The following NOL4 variants were observed in gnomAD, a reference collection of about 807,000 sequenced individuals.
NOL4 encodes the protein nucleolar protein 4, also known as cancer/testis antigen 125.
In NOL4, 17 loss-of-function variants were observed where a neutral mutation model predicts 75.9. The ratio of observed to expected loss-of-function variants is 0.22; its 90% CI spans 0.15 to 0.34. NOL4 has a LOEUF of 0.34. NOL4 is among the 10% of genes least tolerant of loss of function. The probability of loss-of-function intolerance (pLI) is 1.00; values close to 1 mark genes in which losing one functional copy is unlikely to be tolerated. For missense variants in NOL4, 614 were observed against 793.5 expected (o/e 0.77, Z 2.72); for synonymous variants, 292 against 289.9 (o/e 1.01, Z -0.07).
intron 1 of NOL4, 107 bp downstream of exon 1, chr18:34,222,883 C>T: frequency 6.9e-7 from 1 of 1,450,278 alleles, no homozygotes; most frequent in Non-Finnish European, 9.3e-7. Flanking sequence ...AGGGGGCACA[C>T]GAGCCAACGG....
At chr18:34,124,342 A>T (rs1165248922) in intron 2 of NOL4, among the ~76,000 whole-genome samples, 1 of 152,212 alleles carries the variant, frequency 6.6e-6, no homozygotes, top group Admixed American at 6.5e-5. Context: ...GTATTTTTAT[A>T]TTCTATGAGT....
chr18:33,923,961 T>C (rs1477419270), intron 9 of NOL4, among the ~76,000 whole-genome samples: 1 of 152,168 alleles, frequency 6.6e-6, no homozygotes, highest in East Asian at 1.9e-4. Flanking sequence ...CACATCATTA[T>C]TGTTACCTTT....
chr18:33,881,754 C>T (rs546203173), intron 10 of NOL4, among the ~76,000 whole-genome samples: 1 of 152,162 alleles, frequency 6.6e-6, no homozygotes, highest in Non-Finnish European at 1.5e-5. Context: ...CAGGTCAATC[C>T]TAAGCCAAAA....
At chr18:33,939,659 T>G (rs2068329361) in intron 9 of NOL4, among the ~76,000 whole-genome samples, 1 of 152,112 alleles carries the variant, frequency 6.6e-6, no homozygotes, top group Non-Finnish European at 1.5e-5. Flanking sequence ...CTTATCAGCT[T>G]AAGGAGATTT....
chr18:34,190,067 TATAC>T (rs1360458670), intron 1 of NOL4, among the ~76,000 whole-genome samples: 1 of 135,162 alleles, frequency 7.4e-6, no homozygotes, highest in Admixed American at 8.0e-5. Context: ...TATATCTACA[TATAC>T]ATACACACAC....
intron 5 of NOL4, among the ~76,000 whole-genome samples, chr18:34,061,490 G>A (rs2077059641): frequency 6.6e-6 from 1 of 152,094 alleles, no homozygotes; most frequent in East Asian, 1.9e-4. Context: ...TGAGCTTATG[G>A]GATGGTGGCC....
intron 9 of NOL4, among the ~76,000 whole-genome samples, chr18:33,914,999 C>T (rs977025980): frequency 1.3e-5 from 2 of 151,942 alleles, no homozygotes; most frequent in Non-Finnish European, 2.9e-5. Flanking sequence ...AAGCCAGGAG[C>T]ACTCTAAATT....
At chr18:33,907,914 T>C (rs1388396799) in intron 9 of NOL4, among the ~76,000 whole-genome samples, 2 of 152,224 alleles carry the variant, frequency 1.3e-5, no homozygotes, top group South Asian at 2.1e-4. Flanking sequence ...CTGTTTTGAC[T>C]GTAACATTTT....
intron 10 of NOL4, among the ~76,000 whole-genome samples, chr18:33,872,969 T>A (rs929901132): frequency 2.6e-5 from 4 of 152,024 alleles, no homozygotes; most frequent in African/African-American, 9.7e-5. Context: ...GTTTCTTTTA[T>A]AACCAAAGTT....
chr18:34,123,541 AT>A (rs1312287026), intron 2 of NOL4, among the ~76,000 whole-genome samples: 1 of 140,724 alleles, frequency 7.1e-6, no homozygotes, highest in Non-Finnish European at 1.5e-5. Context: ...CCATATATAT[AT>A]ATATATATAT....
In NOL4 at chr18:34,222,997, T is replaced by C. The variant is rs1568465361; in HGVS notation, c.257A>G (p.Lys86Arg). The change falls in exon 1 of 11, where the codon AAG becomes AGG. Residue 86 changes from lysine (K) to arginine (R), a missense_variant. Physicochemically the swap from Lys to Arg is conservative, Grantham distance 26. Coordinates refer to ENST00000261592, the MANE Select transcript of NOL4 (RefSeq NM_003787.5). ...GAKQVLYVPV[K>R]TTDGVGVDEK... Reference sequence around the variant, plus strand: ...GGAAGGCGAGTCACTCACCGTGGTCTTGACAGGCACGTAGAGCACTTGCTT... The same window carrying C: ...GGAAGGCGAGTCACTCACCGTGGTCCTGACAGGCACGTAGAGCACTTGCTT... 2.5e-6 allele frequency: 4 copies of C among 1,607,426 alleles called. No individual in the cohort carries two copies. The highest frequency in any genetic ancestry group is 3.4e-6 in the Non-Finnish European group (4 of 1,179,816).
At chr18:33,946,880 C>T (rs1452355582) in intron 8 of NOL4, among the ~76,000 whole-genome samples, 1 of 151,634 alleles carries the variant, frequency 6.6e-6, no homozygotes, top group Non-Finnish European at 1.5e-5. Flanking sequence ...CAATAAATTA[C>T]TATACACGAA....
chr18:34,219,823 G>C (rs1233820581), intron 1 of NOL4, among the ~76,000 whole-genome samples: 1 of 152,244 alleles, frequency 6.6e-6, no homozygotes, highest in African/African-American at 2.4e-5. Flanking sequence ...GTGCAGGCGG[G>C]CTCGCAAAAG....
At chr18:34,102,611 T>A (rs2079090059) in intron 4 of NOL4, among the ~76,000 whole-genome samples, 2 of 152,136 alleles carry the variant, frequency 1.3e-5, no homozygotes, top group South Asian at 2.1e-4. Flanking sequence ...ATACTTATGA[T>A]TTTTTAGAAG....
intron 6 of NOL4, among the ~76,000 whole-genome samples, chr18:33,973,111 T>G: frequency 6.6e-6 from 1 of 152,246 alleles, no homozygotes; most frequent in East Asian, 1.9e-4. Context: ...TCTGCTGCTG[T>G]TTAATCAATT....
chr18:33,948,390 C>T (rs1050699837), intron 8 of NOL4, among the ~76,000 whole-genome samples: 1 of 151,838 alleles, frequency 6.6e-6, no homozygotes, highest in Non-Finnish European at 1.5e-5. Flanking sequence ...ATATCTATAC[C>T]TAAAGGCATA....
chr18:33,903,093 T>G (rs16965019), intron 9 of NOL4, among the ~76,000 whole-genome samples: 2,336 of 152,242 alleles, frequency 0.015, 59 homozygotes, highest in African/African-American at 0.053. Context: ...TTCAGAATCT[T>G]TTTATAACTT....
chr18:34,128,846 T>C (rs1247340222), intron 2 of NOL4: 1 of 977,546 alleles, frequency 1.0e-6, no homozygotes, highest in South Asian at 4.7e-5. Flanking sequence ...CAAACATAGG[T>C]ACCTGTATTT....
At chr18:33,896,878 A>G (rs1306940683) in intron 9 of NOL4, among the ~76,000 whole-genome samples, 3 of 152,182 alleles carry the variant, frequency 2.0e-5, no homozygotes, top group African/African-American at 7.2e-5. Context: ...GCATCTGACA[A>G]AAGTCTAATA....
Sources: allele counts gnomAD v4.1 joint callset (sites outside exome capture counted in the v4.1 genomes callset), GRCh38; gene constraint gnomAD v4.1.1; transcripts MANE v1.5; gene names NCBI Gene and HGNC (gene_info 2026-07-23, HGNC 2026-07-21).